Variants in HHAT observed in about 807,000 individuals in gnomAD.
The protein encoded by HHAT is protein-cysteine N-palmitoyltransferase HHAT.
In HHAT, 47 loss-of-function variants were observed where a neutral mutation model predicts 70.8. The observed-to-expected ratio is 0.66, with a 90% CI of 0.53 to 0.85. HHAT has a LOEUF of 0.85. Among genes scored for constraint, HHAT ranks in the 40% least tolerant of loss-of-function variants. The pLI is 0.00. For synonymous variants in HHAT, 228 were observed against 247.6 expected (o/e 0.92, Z 0.74); for missense variants, 609 against 604.8 (o/e 1.01, Z -0.07).
chr1:210,464,462 G>C, intron 7 of HHAT, 43 bp from the exon 8 acceptor site: 1 of 1,611,914 alleles, frequency 6.2e-7, no homozygotes, highest in East Asian at 2.2e-5. Context: ...GGAAACTGCT[G>C]TGATTCTCTT....
At chr1:210,649,348 A>G (rs1395223447) in intron 11 of HHAT, among the ~76,000 whole-genome samples, 2 of 152,254 alleles carry the variant, frequency 1.3e-5, no homozygotes, top group East Asian at 1.9e-4. Flanking sequence ...GGAAATTGGC[A>G]TGGCTTCACA....
chr1:210,570,639 C>T (rs566061160), intron 9 of HHAT, among the ~76,000 whole-genome samples: 6 of 152,274 alleles, frequency 3.9e-5, no homozygotes, highest in East Asian at 3.9e-4. Context: ...AAGACCTTTG[C>T]GCTGATGAAA....
At chr1:210,631,811 A>G (rs74867150) in intron 11 of HHAT, among the ~76,000 whole-genome samples, 2,627 of 152,364 alleles carry the variant, frequency 0.017, 37 homozygotes, top group Middle Eastern at 0.027. Context: ...CAGGAATTCT[A>G]TCTGGCATGA....
intron 11 of HHAT, among the ~76,000 whole-genome samples, chr1:210,642,196 T>G (rs1460367889): frequency 6.6e-6 from 1 of 152,234 alleles, no homozygotes; most frequent in Non-Finnish European, 1.5e-5. Flanking sequence ...CTTTTGAGAT[T>G]ATGTTTGAAA....
rs563455200 is a variant in HHAT at position 210,493,820 on chromosome 1, C to T, written c.1008-19333C>T. Among the ~76,000 whole-genome samples, 4 of 152,248 alleles carry T rather than the reference C, an allele frequency of 2.6e-5. No homozygotes were observed. The South Asian group carries it at 6.2e-4, about 24-fold the overall frequency. ...ACCCTGTTTTCTGGTTCATTACTTACCCATATTAAACTTACCGGTTCCTTG... is the reference window on the plus strand; with the variant it reads ...ACCCTGTTTTCTGGTTCATTACTTATCCATATTAAACTTACCGGTTCCTTG... On this transcript the variant is annotated intron_variant, in intron 8 of 11. Transcript: ENST00000261458.
At chr1:210,600,147 C>CT (rs1378157566) in intron 10 of HHAT, among the ~76,000 whole-genome samples, 3 of 152,138 alleles carry the variant, frequency 2.0e-5, no homozygotes, top group African/African-American at 7.2e-5. Flanking sequence ...TTCTCTTCTG[C>CT]TATATTTATC....
Position 210,333,674 on chromosome 1 carries a change from C to G in HHAT, c.-44+4570C>G, listed in dbSNP as rs940254776. The stretch of plus-strand genomic sequence containing the variant: ...TTACTACTATGATTTTTTTTTTTTT[C>G]TGAGACAGCGTCTCACTATGTCACA... On this transcript the variant is annotated intron_variant, in intron 1 of 11. Coordinates refer to ENST00000261458, the MANE Select transcript of HHAT (RefSeq NM_018194.6). 8.4e-5 allele frequency among the ~76,000 whole-genome samples: 12 copies of G among 142,238 alleles called. 1 individual carries two copies. Among genetic ancestry groups the G allele is most frequent in the African/African-American group, 3.2e-4 (12 of 37,036 alleles). 93.3% of individuals were successfully genotyped at this position (142,238 alleles called of 152,430 possible).
chr1:210,526,045 C>T (rs6691759), intron 9 of HHAT, among the ~76,000 whole-genome samples: 62,171 of 151,912 alleles, frequency 0.41, 13,233 homozygotes, highest in Middle Eastern at 0.47. Flanking sequence ...GTCTCAGATC[C>T]CTCGTGCCTG....
chr1:210,643,423 C>T (rs558433439), intron 11 of HHAT, among the ~76,000 whole-genome samples: 2 of 152,188 alleles, frequency 1.3e-5, no homozygotes, highest in Non-Finnish European at 2.9e-5. Flanking sequence ...ATATAAAACT[C>T]ATAGTCAGTG....
chr1:210,506,756 G>A (rs922417914), intron 8 of HHAT, among the ~76,000 whole-genome samples: 41 of 152,188 alleles, frequency 2.7e-4, no homozygotes, highest in African/African-American at 9.2e-4. Flanking sequence ...TCTATGTGCA[G>A]TGTATGATGC....
At chr1:210,663,504 C>G (rs184469482) in intron 11 of HHAT, among the ~76,000 whole-genome samples, 4 of 152,282 alleles carry the variant, frequency 2.6e-5, no homozygotes, top group African/African-American at 7.2e-5. Context: ...CTTCTCCGAG[C>G]CTTAGTTTCC....
At chr1:210,492,823 A>G (rs1483345168) in intron 8 of HHAT, among the ~76,000 whole-genome samples, 2 of 152,180 alleles carry the variant, frequency 1.3e-5, no homozygotes, top group East Asian at 3.9e-4. Context: ...ACCAAAAGAA[A>G]GCTAGACTAA....
At chr1:210,524,407 A>AG (rs1029463836) in intron 9 of HHAT, among the ~76,000 whole-genome samples, 6 of 152,184 alleles carry the variant, frequency 3.9e-5, no homozygotes, top group African/African-American at 1.4e-4. Flanking sequence ...ATGAGTGAGG[A>AG]GGAAGGAGTC....
At chr1:210,608,023 G>A (rs1665863381) in intron 10 of HHAT, among the ~76,000 whole-genome samples, 1 of 152,182 alleles carries the variant, frequency 6.6e-6, no homozygotes, top group Non-Finnish European at 1.5e-5. Context: ...GATAGTATAT[G>A]CAGATCTGTG....
Position 210,473,312 on chromosome 1 carries a change from A to T in HHAT, c.1007+8657A>T, listed in dbSNP as rs1267093338. On this transcript the variant is annotated intron_variant, in intron 8 of 11. Coordinates refer to ENST00000261458, the MANE Select transcript of HHAT (RefSeq NM_018194.6). ...CTCTGTTTTAAGGTTAATGCTGGTC[A>T]CTTGTGCCTGAATTTTGAAGGGAAG... Among the ~76,000 whole-genome samples the T allele has an allele frequency of 3.9e-5, 6 of 152,270 alleles. No homozygotes were observed. In the East Asian group the frequency reaches 1.2e-3, roughly 29 times the overall value.
intron 9 of HHAT, among the ~76,000 whole-genome samples, chr1:210,528,699 C>A (rs553722534): frequency 1.4e-5 from 2 of 141,962 alleles, no homozygotes; most frequent in South Asian, 4.7e-4. Flanking sequence ...AATCATAATA[C>A]CAATGTTTGC....
chr1:210,342,153 C>T (rs1237684916), intron 1 of HHAT, among the ~76,000 whole-genome samples: 1 of 152,026 alleles, frequency 6.6e-6, no homozygotes, highest in East Asian at 1.9e-4. Context: ...TTCCAGCACT[C>T]TCTCCACTTT....
At position 210,623,618 on chromosome 1, in the gene HHAT, T is replaced by C. The variant is rs143810536; in HGVS notation, c.1338T>C (p.Phe446=). ...TSMLILSNLV[F]LGGNEVGKTY... is the part of the protein sequence containing the mutation. ...TGCTGATCCTGTCCAACCTGGTATT[T>C]CTTGGGGGCAATGAGGTTGGGAAAA... is the stretch of plus-strand genomic sequence containing the variant. The change falls in exon 11 of 12, where the codon TTT becomes TTC. Residue 446 remains phenylalanine (F), a synonymous_variant. Transcript: ENST00000261458. The C allele has an allele frequency of 6.2e-7, 1 of 1,614,064 alleles. No individual in the cohort carries two copies. The highest frequency in any genetic ancestry group is 8.5e-7 in the Non-Finnish European group (1 of 1,179,982).
chr1:210,396,930 A>G (rs571584146), intron 4 of HHAT, among the ~76,000 whole-genome samples: 1 of 152,212 alleles, frequency 6.6e-6, no homozygotes, highest in Admixed American at 6.5e-5. Flanking sequence ...TGGCAACACA[A>G]GGAATCCTTG....
Sources: gnomAD v4.1 joint callset for allele counts (sites outside exome capture counted in the v4.1 genomes callset) on GRCh38, gnomAD v4.1.1 for gene constraint, MANE v1.5 for transcripts, NCBI Gene and HGNC (gene_info 2026-07-23, HGNC 2026-07-21) for gene names.